Variants in ENTPD1 observed in about 807,000 individuals in gnomAD.
ENTPD1 encodes ectonucleoside triphosphate diphosphohydrolase 1.
ENTPD1 carries 33 observed loss-of-function variants against 57.0 expected under a neutral mutation model. That is an observed-to-expected ratio of 0.58 (90% CI 0.44 to 0.77). ENTPD1 has a LOEUF of 0.77. ENTPD1 is among the 30% of genes least tolerant of loss of function. The pLI, the probability that ENTPD1 is intolerant of heterozygous loss-of-function variation, is 0.00. For synonymous variants in ENTPD1, 202 were observed against 218.8 expected (o/e 0.92, Z 0.68); for missense variants, 501 against 603.4 (o/e 0.83, Z 1.78).
chr10:95,812,077 G>A (rs1415450533), intron 1 of ENTPD1, among the ~76,000 whole-genome samples: 1 of 152,100 alleles, frequency 6.6e-6, no homozygotes, highest in African/African-American at 2.4e-5. Context: ...CCACATCTTT[G>A]TCAACATATA....
At chr10:95,707,414 C>T (rs535495928), upstream of ENTPD1, among the ~76,000 whole-genome samples, 13 of 152,314 alleles carry the variant, frequency 8.5e-5, no homozygotes, top group Admixed American at 8.5e-4. Context: ...CCCACTGGCT[C>T]CATGGAGTGC....
chr10:95,865,633 T>G (rs2098472948), intron 9 of ENTPD1, among the ~76,000 whole-genome samples: 1 of 152,266 alleles, frequency 6.6e-6, no homozygotes, highest in African/African-American at 2.4e-5. Context: ...CTGATCTTGC[T>G]AATTCAAACT....
chr10:95,874,924 C>T lies in ENTPD1; in HGVS notation c.*8541C>T, dbSNP rs1357060589. On this transcript the variant is annotated 3_prime_UTR_variant, in exon 10 of 10. Coordinates refer to ENST00000371205, the MANE Select transcript of ENTPD1 (RefSeq NM_001776.6). Reference sequence around the variant, plus strand: ...TCAGCCATGGCTGGAGCAGCTGGGACACAGGGCACCAAGTCCCTAGGCTGC... The same window carrying T: ...TCAGCCATGGCTGGAGCAGCTGGGATACAGGGCACCAAGTCCCTAGGCTGC... Among the ~76,000 whole-genome samples the T allele has an allele frequency of 6.6e-6, 1 of 152,224 alleles. No homozygotes were observed. Among genetic ancestry groups the T allele is most frequent in the Non-Finnish European group, 1.5e-5 (1 of 68,044 alleles).
rs1173015974 is a variant in ENTPD1, at chr10:95,866,261, C to T, written c.1411C>T (p.Pro471Ser). ...CCCAGCTGAGCAACCATTGTCCACA[C>T]CTCTCTCCCACTCCACCTATGTCTT... ...MIPAEQPLST[P>S]LSHSTYVFLM... is the part of the protein sequence containing the mutation. Residue 471 changes from proline (P) to serine (S), a missense_variant, in exon 10 of 10, where the codon CCT (proline) becomes TCT (serine). Pro to Ser is a moderately conservative substitution (Grantham distance 74, BLOSUM62 -1). Transcript: ENST00000371205. 6.2e-7 allele frequency: 1 copy of T among 1,614,190 alleles called. No homozygotes were observed. The highest frequency in any genetic ancestry group is 8.5e-7 in the Non-Finnish European group (1 of 1,180,030).
At chr10:95,819,620 C>T (rs2098341870) in intron 1 of ENTPD1, among the ~76,000 whole-genome samples, 1 of 152,114 alleles carries the variant, frequency 6.6e-6, no homozygotes, top group African/African-American at 2.4e-5. Flanking sequence ...TTGAAATCAG[C>T]CTGTGTTTTT....
chr10:95,738,789 G>A (rs2097997265), intron 1 of ENTPD1, among the ~76,000 whole-genome samples: 1 of 152,112 alleles, frequency 6.6e-6, no homozygotes, highest in South Asian at 2.1e-4. Flanking sequence ...TATTTATTAA[G>A]CACATAGGCA....
intron 9 of ENTPD1, 65 bp from the exon 10 acceptor site, chr10:95,866,112 T>G: frequency 6.4e-7 from 1 of 1,552,602 alleles, no homozygotes; most frequent in Admixed American, 1.9e-5. Flanking sequence ...CCAATAATTC[T>G]AAGCCCTAGG....
the ENTPD1 span, among the ~76,000 whole-genome samples, chr10:95,703,138 T>C: frequency 6.6e-6 from 1 of 152,110 alleles, no homozygotes; most frequent in Non-Finnish European, 1.5e-5. Context: ...AGAATATCTT[T>C]AAGGAAGCTA....
chr10:95,840,153 G>A (rs1244864541), intron 3 of ENTPD1, among the ~76,000 whole-genome samples: 1 of 152,144 alleles, frequency 6.6e-6, no homozygotes, highest in African/African-American at 2.4e-5. Context: ...TTAAAAATGA[G>A]GGCACTGAGG....
At chr10:95,810,455 G>A (rs2098300638) in intron 1 of ENTPD1, among the ~76,000 whole-genome samples, 1 of 150,130 alleles carries the variant, frequency 6.7e-6, no homozygotes, top group Non-Finnish European at 1.5e-5. Flanking sequence ...GGGCAGCCGG[G>A]CAGAGGCGCT....
chr10:95,770,723 A>C (rs1379426655), intron 1 of ENTPD1, among the ~76,000 whole-genome samples: 1 of 152,216 alleles, frequency 6.6e-6, no homozygotes, highest in Admixed American at 6.5e-5. Flanking sequence ...TTCAGAGAGC[A>C]GATCTGTTTG....
intron 1 of ENTPD1, among the ~76,000 whole-genome samples, chr10:95,784,221 C>A (rs1342912593): frequency 4.6e-5 from 7 of 151,738 alleles, no homozygotes; most frequent in Non-Finnish European, 1.0e-4. Flanking sequence ...GGAAATCCAG[C>A]TTCTTGTATC....
At chr10:95,822,591 G>A (rs531597190) in intron 1 of ENTPD1, among the ~76,000 whole-genome samples, 34 of 152,260 alleles carry the variant, frequency 2.2e-4, no homozygotes, top group Admixed American at 9.2e-4. Flanking sequence ...TGCCGTGTCC[G>A]GCCACTTTTG....
At chr10:95,862,509 A>G (rs914460593) in intron 8 of ENTPD1, among the ~76,000 whole-genome samples, 5 of 152,228 alleles carry the variant, frequency 3.3e-5, no homozygotes, top group African/African-American at 9.6e-5. Context: ...TGCTTTATGC[A>G]TATCCTATCA....
intron 1 of ENTPD1, among the ~76,000 whole-genome samples, chr10:95,747,395 T>A (rs1194285949): frequency 2.0e-5 from 3 of 152,230 alleles, no homozygotes; most frequent in Non-Finnish European, 4.4e-5. Flanking sequence ...ACTTTGGGCA[T>A]TTATTTTAGG....
intron 1 of ENTPD1, among the ~76,000 whole-genome samples, chr10:95,811,864 A>C (rs942168530): frequency 6.6e-6 from 1 of 152,212 alleles, no homozygotes; most frequent in African/African-American, 2.4e-5. Flanking sequence ...CATTACAAAC[A>C]ATGCTGCACT....
chr10:95,746,281 C>T (rs968806151), intron 1 of ENTPD1, among the ~76,000 whole-genome samples: 8 of 152,026 alleles, frequency 5.3e-5, no homozygotes, highest in Non-Finnish European at 1.5e-5. Flanking sequence ...TGGGAGTTCT[C>T]ACATATTTAT....
rs112632747 is a variant in ENTPD1 at position 95,865,447 on chromosome 10, T to C, written c.1326+586T>C. Among the ~76,000 whole-genome samples the C allele has an allele frequency of 3.2e-3, 488 of 152,334 alleles. 4 individuals carry two copies. The highest frequency in any genetic ancestry group is 9.9e-3 in the African/African-American group (413 of 41,582). ...ATAGAGAACCCAGCTGAGCGACTCA[T>C]GCTTGACCAAAAATACCCAGAGCAG... On this transcript the variant is annotated intron_variant, in intron 9 of 9. Transcript: ENST00000371205.
rs868042453 is a variant in ENTPD1 at position 95,869,707 on chromosome 10, G to C, written c.*3324G>C. 1.0e-4 allele frequency: 95 copies of C among 949,062 alleles called. No individual in the cohort carries two copies. In the African/African-American group the frequency reaches 1.6e-3, roughly 16 times the overall value. 58.8% of individuals were successfully genotyped at this position (949,062 alleles called of 1,614,324 possible). A position where few individuals can be genotyped will look rare whatever the true frequency, so the allele number is the denominator to read the frequency against. On this transcript the variant is annotated 3_prime_UTR_variant, in exon 10 of 10. Transcript: ENST00000371205. ...TAAAATTACACTTCATTTTAATGTT[G>C]TATCAGTCAAGGTCCCTGCAAGAGA... is the stretch of plus-strand genomic sequence containing the variant.
Sources: allele counts gnomAD v4.1 joint callset (sites outside exome capture counted in the v4.1 genomes callset), GRCh38; gene constraint gnomAD v4.1.1; transcripts MANE v1.5; gene names NCBI Gene and HGNC (gene_info 2026-07-23, HGNC 2026-07-21).